Variants in MED13L observed in about 807,000 individuals in gnomAD.
MED13L encodes mediator of RNA polymerase II transcription subunit 13-like.
Under a neutral mutation model 220.9 loss-of-function variants are expected in MED13L, and 7 were observed. The observed-to-expected ratio is 0.03, with a 90% CI of 0.02 to 0.06. The LOEUF (loss-of-function observed/expected upper bound fraction) is 0.06, where lower values mean the gene tolerates loss of function less well. Ranked by LOEUF, MED13L falls within the 10% of genes least tolerant of loss-of-function variation. The probability of loss-of-function intolerance (pLI) is 1.00; values close to 1 mark genes in which losing one functional copy is unlikely to be tolerated. For missense variants in MED13L, 1,965 were observed against 2,760.5 expected (o/e 0.71, Z 6.46); for synonymous variants, 1,011 against 1,015.2 (o/e 1.00, Z 0.08).
At chr12:116,183,378 T>C (rs1033100143) in intron 2 of MED13L, among the ~76,000 whole-genome samples, 4 of 152,300 alleles carry the variant, frequency 2.6e-5, no homozygotes, top group African/African-American at 7.2e-5. Context: ...TCAGCTACAC[T>C]TGAAAAGGCA....
rs1404114950 is a variant in MED13L, at chr12:116,236,870, C to T, written c.310+598G>A. On this transcript the variant is annotated intron_variant, in intron 2 of 30. Transcript: ENST00000281928. ...ATGCAATCTGAAGCTAAAAATCAGG[C>T]AACACCGGAGCCAATGTTTCCTGGA... The T allele has an allele frequency of 7.1e-6, 7 of 985,068 alleles. No homozygotes were observed. The South Asian group carries it at 2.3e-4, about 33-fold the overall frequency. The allele number at this position is 985,068 out of a possible 1,614,324, so 61.0% of individuals were successfully genotyped here.
In MED13L at chr12:116,046,210, TGA is replaced by T. The variant is rs766471990; in HGVS notation, c.480-23611_480-23610del. Among the ~76,000 whole-genome samples the T allele has an allele frequency of 1.1e-3, 171 of 152,332 alleles. 1 individual carries two copies. The highest frequency in any genetic ancestry group is 2.0e-3 in the Non-Finnish European group (137 of 68,026). On this transcript the variant is annotated intron_variant, in intron 4 of 30. Coordinates refer to ENST00000281928, the MANE Select transcript of MED13L (RefSeq NM_015335.5). ...AACTGGAGTTCTGTTTGACAAGTGC[TGA>T]GTTTTTTATTTTCAAAAGCTGAATC... is the stretch of plus-strand genomic sequence containing the variant.
chr12:116,159,215 A>C (rs1447140325), intron 2 of MED13L, among the ~76,000 whole-genome samples: 1 of 152,204 alleles, frequency 6.6e-6, no homozygotes, highest in Admixed American at 6.5e-5. Flanking sequence ...TGTGCCACTG[A>C]ATACTACAGG....
chr12:116,157,836 G>T (rs2138122014), intron 2 of MED13L, among the ~76,000 whole-genome samples: 1 of 152,320 alleles, frequency 6.6e-6, no homozygotes, highest in East Asian at 1.9e-4. Flanking sequence ...TGTTTTAAAA[G>T]ATATGCTATC....
chr12:116,060,168 T>A (rs1869320906), intron 4 of MED13L, among the ~76,000 whole-genome samples: 1 of 152,128 alleles, frequency 6.6e-6, no homozygotes, highest in South Asian at 2.1e-4. Flanking sequence ...CATCATTCTG[T>A]GGGCCTGGAG....
In MED13L at chr12:116,237,561, G is replaced by A; in HGVS notation, c.217C>T (p.Arg73Cys). 2 of 1,614,100 alleles carry A rather than the reference G, an allele frequency of 1.2e-6. No homozygotes were observed. The highest frequency in any genetic ancestry group is 1.7e-5 in the Admixed American group (1 of 60,020). ...TTGCAATCTGGTTTGACATCACGAC[G>A]CCATACACAAAGCAGGTTAGCTTGC... The part of the protein sequence containing the change: ...CLQANLLCVW[R>C]RDVKPDCKEL... The change falls in exon 2 of 31, where the codon CGT becomes TGT. Residue 73 changes from arginine to cysteine, a missense_variant. By Grantham distance (180) the Arg-to-Cys change is radical (BLOSUM62 -3). This residue lies in a region of MED13L where 818 missense variants were observed against 1,041.2 expected (regional missense o/e 0.79). Transcript: ENST00000281928.
At chr12:116,090,697 G>A (rs533552765) in intron 4 of MED13L, among the ~76,000 whole-genome samples, 1 of 152,290 alleles carries the variant, frequency 6.6e-6, no homozygotes, top group East Asian at 1.9e-4. Flanking sequence ...GTTAATGGAA[G>A]ATCATCTACA....
chr12:116,022,607 A>G lies in MED13L; in HGVS notation c.480-6T>C, dbSNP rs1021703133. 9.9e-6 allele frequency: 16 copies of G among 1,611,054 alleles called. No homozygotes were observed. The highest frequency in any genetic ancestry group is 1.7e-5 in the Admixed American group (1 of 59,680). On this transcript the variant is annotated splice_polypyrimidine_tract_variant and splice_region_variant and intron_variant, in intron 4 of 30. Coordinates refer to ENST00000281928, the MANE Select transcript of MED13L (RefSeq NM_015335.5). ...AAGCACAGGACAAATGCTCACTACA[A>G]AAGAGAGAATGAGAAACTCAACTTT... is the stretch of plus-strand genomic sequence containing the variant.
intron 2 of MED13L, among the ~76,000 whole-genome samples, chr12:116,224,298 G>T (rs995592630): frequency 6.6e-6 from 1 of 152,086 alleles, no homozygotes; most frequent in African/African-American, 2.4e-5. Flanking sequence ...CCCTACTGTA[G>T]ATCCTTGAAT....
chr12:115,980,841 C>G lies in MED13L; in HGVS notation c.5273G>C (p.Cys1758Ser), dbSNP rs1397744480. The G allele has an allele frequency of 2.5e-6, 4 of 1,612,862 alleles. No individual in the cohort carries two copies. The South Asian group carries it at 3.3e-5, about 13-fold the overall frequency. The change falls in exon 23 of 31, where the codon TGC (cysteine) becomes TCC (serine). Residue 1758 changes from cysteine to serine, a missense_variant. Coordinates refer to ENST00000281928, the MANE Select transcript of MED13L (RefSeq NM_015335.5). ...KSMAFSVYCQCRRPLPTQIHI... is the reference protein window; with the variant it reads ...KSMAFSVYCQSRRPLPTQIHI... ...GATCTGTGTAGGCAGTGGTCGCCTG[C>G]ACTGGCAGTACACTGAAAATGCCAT...
At chr12:116,192,926 A>G (rs1881372621) in intron 2 of MED13L, among the ~76,000 whole-genome samples, 1 of 152,168 alleles carries the variant, frequency 6.6e-6, no homozygotes. Context: ...AGGTCAGGAA[A>G]TCAAGACCAT....
At chr12:116,254,106 G>A (rs991122488) in intron 1 of MED13L, among the ~76,000 whole-genome samples, 6 of 151,960 alleles carry the variant, frequency 3.9e-5, no homozygotes, top group Middle Eastern at 3.4e-3. Flanking sequence ...TCAACCTTAC[G>A]GGGATATCAG....
intron 2 of MED13L, among the ~76,000 whole-genome samples, chr12:116,230,222 G>T (rs1177539160): frequency 2.0e-5 from 3 of 151,802 alleles, no homozygotes; most frequent in African/African-American, 7.3e-5. Context: ...TGGCCAACAT[G>T]CAGCCCTACT....
chr12:116,213,394 G>C (rs1882821993), intron 2 of MED13L, among the ~76,000 whole-genome samples: 1 of 74,028 alleles, frequency 1.4e-5, no homozygotes, highest in South Asian at 9.3e-4. Flanking sequence ...CTTCTGGAGT[G>C]CAAAAGTTTG....
rs138103919 is a variant in MED13L at position 116,035,069 on chromosome 12, G to A, written c.480-12468C>T. Among the ~76,000 whole-genome samples the A allele has an allele frequency of 5.3e-4, 81 of 152,214 alleles. 1 individual carries two copies. The highest frequency in any genetic ancestry group is 1.5e-3 in the African/African-American group (63 of 41,524). ...CTCACTGAACAAACATTCACTAAGCGCACCTATCTTTGTGCCAGACACTGT... is the reference window on the plus strand; with the variant it reads ...CTCACTGAACAAACATTCACTAAGCACACCTATCTTTGTGCCAGACACTGT... On this transcript the variant is annotated intron_variant, in intron 4 of 30. Transcript: ENST00000281928.
At chr12:116,123,774 T>C (rs1398603813) in intron 2 of MED13L, among the ~76,000 whole-genome samples, 2 of 152,176 alleles carry the variant, frequency 1.3e-5, no homozygotes, top group Non-Finnish European at 2.9e-5. Context: ...CTGTTCTTGC[T>C]ACAATAATCT....
chr12:115,965,713 G>A (rs1414129981), intron 29 of MED13L, among the ~76,000 whole-genome samples: 1 of 152,136 alleles, frequency 6.6e-6, no homozygotes, highest in African/African-American at 2.4e-5. Context: ...CCCTGGCAGG[G>A]GAAGAAGAGG....
chr12:115,984,999 G>GT (rs1188163349), intron 19 of MED13L, among the ~76,000 whole-genome samples: 8 of 152,154 alleles, frequency 5.3e-5, no homozygotes, highest in Non-Finnish European at 1.5e-5. Context: ...AGGAGAGCCC[G>GT]TATTATTATC....
intron 2 of MED13L, among the ~76,000 whole-genome samples, chr12:116,216,817 A>G (rs1883025767): frequency 6.6e-6 from 1 of 152,222 alleles, no homozygotes; most frequent in African/African-American, 2.4e-5. Flanking sequence ...AGCAAAGACT[A>G]ATACATTACT....
Sources: allele counts gnomAD v4.1 joint callset (sites outside exome capture counted in the v4.1 genomes callset), GRCh38; gene constraint gnomAD v4.1.1; regional missense constraint gnomAD v4.1.1; transcripts MANE v1.5; gene names NCBI Gene and HGNC (gene_info 2026-07-23, HGNC 2026-07-21).